The following ZNF462 variants were observed in gnomAD, a reference collection of about 807,000 sequenced individuals.
ZNF462 encodes zinc finger protein 462.
Under a neutral mutation model 201.9 loss-of-function variants are expected in ZNF462, and 10 were observed. The observed-to-expected ratio is 0.05, with a 90% confidence interval of 0.03 to 0.08. ZNF462 has a LOEUF of 0.08. Ranked by LOEUF, ZNF462 falls within the 10% of genes least tolerant of loss-of-function variation. The probability of loss-of-function intolerance (pLI) is 1.00; values close to 1 mark genes in which losing one functional copy is unlikely to be tolerated. For synonymous variants in ZNF462, 1,227 were observed against 1,193.3 expected (o/e 1.03, Z -0.58); for missense variants, 2,523 against 3,168.3 (o/e 0.80, Z 4.89).
rs565115882 is a variant in ZNF462 at position 106,896,664 on chromosome 9, C to T, written c.-30-26690C>T. ...GTGTCCTCCTTAGGGCCTCCTAGAA[C>T]GAAATTGAACATTAGATCAGTGAGG... On this transcript the variant is annotated intron_variant, in intron 1 of 12. Coordinates refer to ENST00000277225, the MANE Select transcript of ZNF462 (RefSeq NM_021224.6). 7.2e-5 allele frequency among the ~76,000 whole-genome samples: 11 copies of T among 152,240 alleles called. No individual in the cohort carries two copies. In the East Asian group the frequency reaches 7.7e-4, roughly 11 times the overall value.
At chr9:106,979,664 G>A (rs1827273544) in intron 9 of ZNF462, 1 of 148,200 alleles carries the variant, frequency 6.7e-6, no homozygotes, top group South Asian at 2.1e-4. Context: ...TGAACGAGAA[G>A]AGAGACTAAA....
chr9:106,869,914 A>AT (rs916143117), intron 1 of ZNF462, among the ~76,000 whole-genome samples: 29 of 150,268 alleles, frequency 1.9e-4, no homozygotes, highest in African/African-American at 4.9e-4. Flanking sequence ...GCTCTTTTGG[A>AT]TTTTTTTTTT....
intron 6 of ZNF462, among the ~76,000 whole-genome samples, chr9:106,936,714 C>G (rs921493932): frequency 1.3e-5 from 2 of 152,228 alleles, no homozygotes; most frequent in African/African-American, 4.8e-5. Flanking sequence ...AGCTGGGACA[C>G]TATCCTGGTG....
rs548495287 is a variant in ZNF462 at position 106,950,650 on chromosome 9, A to G, written c.6427+11543A>G. On this transcript the variant is annotated intron_variant, in intron 7 of 12. Coordinates refer to ENST00000277225, the MANE Select transcript of ZNF462 (RefSeq NM_021224.6). This position sits in a 1 kb window ranked among gnomAD's most constrained non-coding sequence, Gnocchi z 4.1. ...CAGTGAAGTGTAAGTGCAGTTCCCTATTAGCACATTAAAATTGATCAGTTC... is the reference window on the plus strand; with the variant it reads ...CAGTGAAGTGTAAGTGCAGTTCCCTGTTAGCACATTAAAATTGATCAGTTC... Among the ~76,000 whole-genome samples, 57 of 152,338 alleles carry G rather than the reference A, an allele frequency of 3.7e-4. 1 individual carries two copies. The highest frequency in any genetic ancestry group is 1.3e-3 in the African/African-American group (53 of 41,582).
intron 1 of ZNF462, among the ~76,000 whole-genome samples, chr9:106,887,361 C>G (rs2131003448): frequency 6.6e-6 from 1 of 152,270 alleles, no homozygotes. Context: ...CTACTAAATC[C>G]TCTCCCTCCG....
At chr9:106,953,378 T>C (rs1186742391) in intron 7 of ZNF462, among the ~76,000 whole-genome samples, 1 of 152,180 alleles carries the variant, frequency 6.6e-6, no homozygotes, top group Admixed American at 6.5e-5. Context: ...ATGACTATAA[T>C]GAAATAGCTT....
In ZNF462 at chr9:106,880,869, T is replaced by C. The variant is rs1828063023; in HGVS notation, c.-31+17514T>C. On this transcript the variant is annotated intron_variant, in intron 1 of 12. Coordinates refer to ENST00000277225, the MANE Select transcript of ZNF462 (RefSeq NM_021224.6). The surrounding 1 kb of genome is among the most constrained non-coding windows in gnomAD (Gnocchi z 4.1). ...TGACCTTTATACCTGTACGTTACTCTGTACCTCGTGGGTTTAACTCTGAGG... is the reference window on the plus strand; with the variant it reads ...TGACCTTTATACCTGTACGTTACTCCGTACCTCGTGGGTTTAACTCTGAGG... Among the ~76,000 whole-genome samples, 1 of 152,256 alleles carries C rather than the reference T, an allele frequency of 6.6e-6. No individual in the cohort carries two copies. The highest frequency in any genetic ancestry group is 2.4e-5 in the African/African-American group (1 of 41,472).
rs749685592 is a variant in ZNF462 at position 106,914,180 on chromosome 9, G to A, written c.-30-9174G>A. On this transcript the variant is annotated intron_variant, in intron 1 of 12. Transcript: ENST00000277225. ...TCTTGGACCTGGGCTCTCCCAGGTT[G>A]TTGACCCTCTAAGGATCCAGAGACT... Among the ~76,000 whole-genome samples the A allele has an allele frequency of 1.6e-4, 23 of 144,318 alleles. 2 individuals carry two copies. The highest frequency in any genetic ancestry group is 3.7e-3 in the Middle Eastern group (1 of 268). 94.7% of individuals were successfully genotyped at this position (144,318 alleles called of 152,430 possible).
At chr9:106,975,335 T>C (rs529079599) in intron 9 of ZNF462, 1 of 152,360 alleles carries the variant, frequency 6.6e-6, no homozygotes, top group South Asian at 2.1e-4. Context: ...TGCTGGGATG[T>C]CACTCACTCT....
rs923730687 is a variant in ZNF462 at position 106,886,589 on chromosome 9, G to A, written c.-31+23234G>A. Among the ~76,000 whole-genome samples, 8 of 152,108 alleles carry A rather than the reference G, an allele frequency of 5.3e-5. No individual in the cohort carries two copies. The highest frequency in any genetic ancestry group is 1.4e-4 in the African/African-American group (6 of 41,418). Reference sequence around the variant, plus strand: ...GAAAAGGAAGGAGCTCCTGTCATCCGCAGTCAATGTGAAGAAACTGGTTAT... The same window carrying A: ...GAAAAGGAAGGAGCTCCTGTCATCCACAGTCAATGTGAAGAAACTGGTTAT... On this transcript the variant is annotated intron_variant, in intron 1 of 12. Transcript: ENST00000277225. This position sits in a 1 kb window ranked among gnomAD's most constrained non-coding sequence, Gnocchi z 4.6.
intron 1 of ZNF462, among the ~76,000 whole-genome samples, chr9:106,904,656 T>C (rs182173982): frequency 2.0e-5 from 3 of 152,298 alleles, no homozygotes; most frequent in Admixed American, 6.5e-5. Context: ...CTTTGTTGGA[T>C]TGGGTTAATT....
rs775757860 is a variant in ZNF462 at position 106,938,149 on chromosome 9, G to A, written c.6236-767G>A. The stretch of plus-strand genomic sequence containing the variant: ...TAATTTGGTCATGGTGATCTGTGTT[G>A]TATTTCAGTGGCATAAAATTAATTT... On this transcript the variant is annotated intron_variant, in intron 6 of 12. Transcript: ENST00000277225. This position sits in a 1 kb window ranked among gnomAD's most constrained non-coding sequence, Gnocchi z 4.4. Among the ~76,000 whole-genome samples the A allele has an allele frequency of 1.1e-4, 16 of 152,146 alleles. No homozygotes were observed. The highest frequency in any genetic ancestry group is 2.2e-4 in the Non-Finnish European group (15 of 68,026).
intron 10 of ZNF462, among the ~76,000 whole-genome samples, chr9:106,986,374 G>A (rs918778477): frequency 1.3e-5 from 2 of 152,068 alleles, no homozygotes; most frequent in African/African-American, 4.8e-5. Flanking sequence ...TTAAATTTCT[G>A]GGTCTGTTTT....
rs1375817536 is a variant in ZNF462, at chr9:107,013,435, G to A, written c.*2405G>A. ...AGAGCTTGAGAGAAGAAAATAAATA[G>A]CAAAATGATAACCTATTGACTCCAG... is the stretch of plus-strand genomic sequence containing the variant. On this transcript the variant is annotated 3_prime_UTR_variant, in exon 13 of 13. Transcript: ENST00000277225. 1 of 152,072 alleles carries A rather than the reference G, an allele frequency of 6.6e-6. No individual in the cohort carries two copies. The highest frequency in any genetic ancestry group is 1.5e-5 in the Non-Finnish European group (1 of 67,994). 9.4% of individuals were successfully genotyped at this position (152,072 alleles called of 1,614,324 possible). A position where few individuals can be genotyped will look rare whatever the true frequency, so the allele number is the denominator to read the frequency against.
At position 106,966,439 on chromosome 9, in the gene ZNF462, C is replaced by T. The variant is rs965597769; in HGVS notation, c.6428-5566C>T. Among the ~76,000 whole-genome samples the T allele has an allele frequency of 6.6e-6, 1 of 152,064 alleles. No homozygotes were observed. The highest frequency in any genetic ancestry group is 1.5e-5 in the Non-Finnish European group (1 of 67,986). ...AGTGTTGATTTCATTAATTAGCACA[C>T]TAATTAATACTAGTTATATTTATTA... is the stretch of plus-strand genomic sequence containing the variant. On this transcript the variant is annotated intron_variant, in intron 7 of 12. Transcript: ENST00000277225. The surrounding 1 kb of genome is among the most constrained non-coding windows in gnomAD (Gnocchi z 4.4).
Position 106,925,029 on chromosome 9 carries a change from T to C in ZNF462, c.1117T>C (p.Ser373Pro). The change falls in exon 3 of 13, where the codon TCT becomes CCT. Residue 373 changes from serine (S) to proline (P), a missense_variant. Ser to Pro is a moderately conservative substitution (Grantham distance 74). Transcript: ENST00000277225. The surrounding 1 kb of genome is among the most constrained non-coding windows in gnomAD (Gnocchi z 7.9). ...TTATGGAATGACTGACATGACCAAT[T>C]CTTCTGCTGACCTGGAAACTAACAG... The part of the protein sequence containing the change: ...SRYGMTDMTN[S>P]SADLETNSML... 6.2e-7 allele frequency: 1 copy of C among 1,614,172 alleles called. No individual in the cohort carries two copies. Among genetic ancestry groups the C allele is most frequent in the Non-Finnish European group, 8.5e-7 (1 of 1,180,030 alleles).
Position 106,932,594 on chromosome 9 carries a change from T to C in ZNF462, c.6116+45T>C, listed in dbSNP as rs1429355963. 1.9e-6 allele frequency: 3 copies of C among 1,613,592 alleles called. No individual in the cohort carries two copies. The highest frequency in any genetic ancestry group is 2.5e-6 in the Non-Finnish European group (3 of 1,179,652). On this transcript the variant is annotated intron_variant, in intron 5 of 12. Coordinates refer to ENST00000277225, the MANE Select transcript of ZNF462 (RefSeq NM_021224.6). The surrounding 1 kb of genome is among the most constrained non-coding windows in gnomAD (Gnocchi z 6.8). ...CACTAGTGGTTACTGGGAGATGATG[T>C]CATAGTGGAAGGCACTAAGCTAAAG...
At chr9:106,998,799 G>T (rs932921086) in intron 10 of ZNF462, among the ~76,000 whole-genome samples, 11 of 151,902 alleles carry the variant, frequency 7.2e-5, no homozygotes, top group Non-Finnish European at 1.5e-4. Context: ...AGTAGAGACG[G>T]GGTTTCACCA....
At position 106,935,562 on chromosome 9, in the gene ZNF462, G is replaced by T; in HGVS notation, c.6176G>T (p.Cys2059Phe). 6.2e-7 allele frequency: 1 copy of T among 1,613,996 alleles called. No individual in the cohort carries two copies. The highest frequency in any genetic ancestry group is 8.5e-7 in the Non-Finnish European group (1 of 1,179,972). ...GHHKPFRCKL[C>F]SFKSSYNSRL... ...CATAAACCATTCCGATGCAAACTCT[G>T]CTCCTTCAAGTCCTCCTATAACAGC... is the stretch of plus-strand genomic sequence containing the variant. The change falls in exon 6 of 13, where the codon TGC becomes TTC. Residue 2059 changes from cysteine to phenylalanine, a missense_variant. By Grantham distance (205) the Cys-to-Phe change is radical. This residue lies in a region of ZNF462 where 138 missense variants were observed against 146.3 expected (regional missense o/e 0.94). Coordinates refer to ENST00000277225, the MANE Select transcript of ZNF462 (RefSeq NM_021224.6). This position sits in a 1 kb window ranked among gnomAD's most constrained non-coding sequence, Gnocchi z 4.1.
Sources: allele counts gnomAD v4.1 joint callset (sites outside exome capture counted in the v4.1 genomes callset), GRCh38; gene constraint gnomAD v4.1.1; regional missense constraint gnomAD v4.1.1; non-coding constraint Gnocchi (gnomAD v3.1); transcripts MANE v1.5; gene names NCBI Gene and HGNC (gene_info 2026-07-23, HGNC 2026-07-21).